PARVG: variants seen among roughly 807,000 people sequenced by gnomAD.
PARVG encodes the protein gamma-parvin.
PARVG carries 36 observed loss-of-function variants against 44.4 expected under a neutral mutation model. That is an observed-to-expected ratio of 0.81 (90% CI 0.62 to 1.07). The LOEUF is 1.07. Ranked by LOEUF, PARVG falls within the 50% of genes least tolerant of loss-of-function variation. PARVG has a pLI of 0.00. For synonymous variants in PARVG, 170 were observed against 174.1 expected (o/e 0.98, Z 0.19); for missense variants, 407 against 407.4 (o/e 1.00, Z 0.01).
intron 8 of PARVG, among the ~76,000 whole-genome samples, chr22:44,193,536 C>A (rs555594374): frequency 6.6e-6 from 1 of 152,266 alleles, no homozygotes; most frequent in Non-Finnish European, 1.5e-5. Flanking sequence ...TCCCTCAGAA[C>A]AGAACACGAA....
Position 44,181,170 on chromosome 22 carries a change from A to G in PARVG, c.-204A>G. The G allele has an allele frequency of 1.0e-5, 4 of 386,666 alleles. No individual in the cohort carries two copies. The highest frequency in any genetic ancestry group is 1.4e-5 in the Non-Finnish European group (4 of 282,402). The allele number at this position is 386,666 out of a possible 1,614,324, so 24.0% of individuals were successfully genotyped here. On this transcript the variant is annotated 5_prime_UTR_variant, in exon 1 of 14. Coordinates refer to ENST00000444313, the MANE Select transcript of PARVG (RefSeq NM_022141.7). ...TCACTGAGCCCACTTTGTGCCAAGC[A>G]TTGTTCTAGACACGGGTATGTAACC...
At chr22:44,178,940 G>T (rs943591179), upstream of PARVG, among the ~76,000 whole-genome samples, 5 of 152,160 alleles carry the variant, frequency 3.3e-5, no homozygotes, top group South Asian at 1.0e-3. Flanking sequence ...GAAACATTCT[G>T]AAGTATTTAG....
At chr22:44,197,651 A>T (rs1482083355) in intron 11 of PARVG, among the ~76,000 whole-genome samples, 2 of 152,014 alleles carry the variant, frequency 1.3e-5, no homozygotes, top group African/African-American at 4.8e-5. Context: ...AACCCTCCAC[A>T]TTTGCTGTGT....
At chr22:44,183,266 T>G (rs1601728068) in intron 2 of PARVG, 52 bp from the exon 3 acceptor site, 260 of 1,504,462 alleles carry the variant, frequency 1.7e-4, no homozygotes, top group Non-Finnish European at 2.1e-4. Context: ...AGGGGCTCAG[T>G]GAGTTTGGGG....
Position 44,182,967 on chromosome 22 carries a change from C to A in PARVG, c.-12-351C>A. 3.5e-6 allele frequency: 1 copy of A among 286,488 alleles called. No homozygotes were observed. The highest frequency in any genetic ancestry group is 6.6e-6 in the Non-Finnish European group (1 of 152,294). 17.7% of individuals were successfully genotyped at this position (286,488 alleles called of 1,614,324 possible). ...GAGGAGTGAGCTGTACCTACTTTGT[C>A]CTGTCTGGGATAGGGTGGGGGGTCC... On this transcript the variant is annotated intron_variant, in intron 2 of 13. Coordinates refer to ENST00000444313, the MANE Select transcript of PARVG (RefSeq NM_022141.7). This position sits in a 1 kb window ranked among gnomAD's most constrained non-coding sequence, Gnocchi z 4.6.
At chr22:44,186,226 G>A (rs1375603374) in intron 4 of PARVG, 4 of 307,562 alleles carry the variant, frequency 1.3e-5, no homozygotes, top group Non-Finnish European at 2.6e-5. Flanking sequence ...CGGAGCTGTG[G>A]TTTGACACGA....
At chr22:44,201,211 A>G (rs1193792786) in intron 12 of PARVG, among the ~76,000 whole-genome samples, 1 of 151,894 alleles carries the variant, frequency 6.6e-6, no homozygotes, top group African/African-American at 2.4e-5. Context: ...GGGGCCCTGT[A>G]CCACAGTCCA....
At chr22:44,180,909 G>C, upstream of PARVG, 2 of 985,302 alleles carry the variant, frequency 2.0e-6, no homozygotes, top group Non-Finnish European at 2.4e-6. Context: ...ATTTCAGCCC[G>C]GATGGTGAAG....
chr22:44,173,079 C>CAGG, exon 1 of PARVG: 3 of 1,289,756 alleles, frequency 2.3e-6, no homozygotes, highest in Non-Finnish European at 3.0e-6. Flanking sequence ...TCCAATTGGA[C>CAGG]AGGAGCTGGG....
At chr22:44,187,492 G>A (rs574537230) in intron 4 of PARVG, 3 of 494,130 alleles carry the variant, frequency 6.1e-6, no homozygotes, top group Non-Finnish European at 1.1e-5. Flanking sequence ...TTGGGTATTT[G>A]CTATGGTAGT....
chr22:44,173,274 A>T, intron 1 of PARVG: 1 of 1,112,720 alleles, frequency 9.0e-7, no homozygotes, highest in South Asian at 1.6e-5. Context: ...CACAGGCTGC[A>T]TGACACATGG....
In PARVG at chr22:44,185,865, T is replaced by C; in HGVS notation, c.137T>C (p.Leu46Pro). Residue 46 changes from leucine to proline, a missense_variant, in exon 4 of 14, where the codon CTG (leucine) becomes CCG (proline). Leu to Pro is a moderately conservative substitution (Grantham distance 98). Transcript: ENST00000444313. ...CGGAAGGACCCCAAATTTGAAGAACTGCAGAAGGTACAGCAGCCTCCACAG... is the reference window on the plus strand; with the variant it reads ...CGGAAGGACCCCAAATTTGAAGAACCGCAGAAGGTACAGCAGCCTCCACAG... ...TSRKDPKFEE[L>P]QKVLMEWINA... The C allele has an allele frequency of 6.2e-7, 1 of 1,613,260 alleles. No individual in the cohort carries two copies. The highest frequency in any genetic ancestry group is 1.1e-5 in the South Asian group (1 of 91,042).
At chr22:44,179,127 GAA>G (rs139121), upstream of PARVG, among the ~76,000 whole-genome samples, 11 of 149,458 alleles carry the variant, frequency 7.4e-5, no homozygotes, top group Admixed American at 2.0e-4. The surrounding 1 kb of genome is among the most constrained non-coding windows in gnomAD (Gnocchi z 4.2). Context: ...CCGTGTCTCT[GAA>G]AAAAAAAAAG....
rs2054393727 is a variant in PARVG, at chr22:44,182,280, G to A, written c.-13+363G>A. On this transcript the variant is annotated intron_variant, in intron 2 of 13. Transcript: ENST00000444313. The surrounding 1 kb of genome is among the most constrained non-coding windows in gnomAD (Gnocchi z 4.6). ...GTAACCATGCATCAGGACCAGAGAG[G>A]GCAGGGGGTTTGCCCAACGTCACAC... is the stretch of plus-strand genomic sequence containing the variant. Among the ~76,000 whole-genome samples the A allele has an allele frequency of 6.6e-6, 1 of 152,222 alleles. No individual in the cohort carries two copies. The highest frequency in any genetic ancestry group is 2.1e-4 in the South Asian group (1 of 4,834).
chr22:44,203,279 G>T (rs150178036), intron 12 of PARVG, among the ~76,000 whole-genome samples: 1 of 152,124 alleles, frequency 6.6e-6, no homozygotes, highest in Non-Finnish European at 1.5e-5. Context: ...GTGAATGAAC[G>T]AAGTGTTTCC....
At chr22:44,190,890 G>A (rs1254806411) in intron 7 of PARVG, among the ~76,000 whole-genome samples, 2 of 152,224 alleles carry the variant, frequency 1.3e-5, no homozygotes, top group Non-Finnish European at 2.9e-5. Flanking sequence ...GGGGGCATGA[G>A]GAGGTCCACG....
Position 44,206,554 on chromosome 22 carries a change from C to G in PARVG, c.*128C>G. ...GACCCGCTTCCCTCCCACCCTGTCT[C>G]CTGTCTCCATCGTTGGATTATCTTT... On this transcript the variant is annotated 3_prime_UTR_variant, in exon 14 of 14. Coordinates refer to ENST00000444313, the MANE Select transcript of PARVG (RefSeq NM_022141.7). 1.3e-6 allele frequency: 1 copy of G among 778,918 alleles called. No individual in the cohort carries two copies. Among genetic ancestry groups the G allele is most frequent in the Admixed American group, 2.3e-5 (1 of 42,934 alleles). 48.3% of individuals were successfully genotyped at this position (778,918 alleles called of 1,614,324 possible). A position where few individuals can be genotyped will look rare whatever the true frequency, so the allele number is the denominator to read the frequency against.
chr22:44,187,624 G>T (rs2054491822), intron 4 of PARVG, 152 bp from the exon 5 acceptor site: 1 of 708,120 alleles, frequency 1.4e-6, no homozygotes, highest in Admixed American at 2.2e-5. Flanking sequence ...CAGCCTGGGA[G>T]ATCAAGGAGG....
intron 1 of PARVG, among the ~76,000 whole-genome samples, chr22:44,174,440 C>T (rs1175407712): frequency 6.6e-6 from 1 of 152,080 alleles, no homozygotes; most frequent in Admixed American, 6.5e-5. Context: ...TGGGCTCTGG[C>T]TCATGCCTGT....
Sources: gnomAD v4.1 joint callset for allele counts (sites outside exome capture counted in the v4.1 genomes callset) on GRCh38, gnomAD v4.1.1 for gene constraint, Gnocchi (gnomAD v3.1) non-coding constraint, MANE v1.5 for transcripts, NCBI Gene and HGNC (gene_info 2026-07-23, HGNC 2026-07-21) for gene names.